The following PALLD variants were observed in gnomAD, a reference collection of about 807,000 sequenced individuals.
The protein encoded by PALLD is palladin.
A neutral mutation model predicts 123.5 loss-of-function variants in PALLD; 61 were observed. That is an observed-to-expected ratio of 0.49 (90% CI 0.40 to 0.61). The LOEUF (loss-of-function observed/expected upper bound fraction) is 0.61. Ranked by LOEUF, PALLD falls within the 20% of genes least tolerant of loss-of-function variation. The pLI, the probability that PALLD is intolerant of heterozygous loss-of-function variation, is 0.00. For missense variants in PALLD, 1,273 were observed against 1,377.0 expected, an observed-to-expected ratio of 0.92 and a Z score of 1.20; for synonymous variants, 465 against 496.4, an observed-to-expected ratio of 0.94 and a Z score of 0.84.
At chr4:168,591,852 A>G (rs918108484) in intron 2 of PALLD, among the ~76,000 whole-genome samples, 1 of 152,122 alleles carries the variant, frequency 6.6e-6, no homozygotes, top group Non-Finnish European at 1.5e-5. Context: ...GAAATGTTCA[A>G]TGTTATCTGT....
At chr4:168,737,490 G>A (rs927357993) in intron 10 of PALLD, among the ~76,000 whole-genome samples, 1 of 152,018 alleles carries the variant, frequency 6.6e-6, no homozygotes, top group South Asian at 2.1e-4. Flanking sequence ...TCACTTACTG[G>A]GTGACACAAA....
intron 10 of PALLD, among the ~76,000 whole-genome samples, chr4:168,850,084 T>C (rs2150972806): frequency 6.6e-6 from 1 of 152,258 alleles, no homozygotes; most frequent in South Asian, 2.1e-4. Flanking sequence ...TACTAAAAAA[T>C]GAAAGATCTG....
At chr4:168,675,339 G>A (rs1320704658) in intron 3 of PALLD, among the ~76,000 whole-genome samples, 3 of 152,212 alleles carry the variant, frequency 2.0e-5, no homozygotes, top group South Asian at 4.1e-4. Context: ...CAGGTTCTCA[G>A]TGCTACGAAT....
At chr4:168,690,858 C>A in intron 7 of PALLD, 114 bp downstream of exon 7, 1 of 1,099,494 alleles carries the variant, frequency 9.1e-7, no homozygotes, top group Non-Finnish European at 1.4e-6. Context: ...CAAAGAGTGG[C>A]AGGATCAGAT....
intron 14 of PALLD, among the ~76,000 whole-genome samples, chr4:168,900,741 A>T (rs1340709011): frequency 6.6e-6 from 1 of 152,222 alleles, no homozygotes; most frequent in African/African-American, 2.4e-5. Flanking sequence ...CTCCATTGTT[A>T]TAGAAAACTT....
intron 2 of PALLD, among the ~76,000 whole-genome samples, chr4:168,657,801 G>A (rs1675044695): frequency 6.6e-6 from 1 of 152,132 alleles, no homozygotes; most frequent in Non-Finnish European, 1.5e-5. Flanking sequence ...TAGCCAAGTG[G>A]AAAGCCCATT....
intron 10 of PALLD, among the ~76,000 whole-genome samples, chr4:168,835,818 C>T (rs1397904082): frequency 6.6e-6 from 1 of 152,104 alleles, no homozygotes; most frequent in African/African-American, 2.4e-5. Context: ...CGTGCCTCAG[C>T]CTCCTGAGTA....
intron 2 of PALLD, among the ~76,000 whole-genome samples, chr4:168,615,782 T>A (rs6836443): frequency 2.6e-5 from 4 of 151,968 alleles, no homozygotes; most frequent in Non-Finnish European, 4.4e-5. Context: ...CCATTCCGAA[T>A]CCCACCAGTG....
chr4:168,919,982 T>C (rs921059493), intron 17 of PALLD, among the ~76,000 whole-genome samples: 1 of 152,182 alleles, frequency 6.6e-6, no homozygotes, highest in Non-Finnish European at 1.5e-5. Context: ...AGAGTACGCG[T>C]GCTTTGGGCA....
chr4:168,549,411 C>T (rs76678200), intron 2 of PALLD, among the ~76,000 whole-genome samples: 6,691 of 151,988 alleles, frequency 0.044, 174 homozygotes, highest in South Asian at 0.15. Context: ...CCTCAAGACA[C>T]GGTCTTAACA....
chr4:168,683,099 A>C lies in PALLD; in HGVS notation c.1256A>C (p.Gln419Pro), dbSNP rs761386762. Reference protein sequence around the residue: ...AVIQPLSVPVQQVHSPTSYLC... With the variant: ...AVIQPLSVPVPQVHSPTSYLC... ...ATTCAACCACTGTCTGTCCCTGTGC[A>C]ACAGGTAAGTATGCTTTGAGCCAGA... is the stretch of plus-strand genomic sequence containing the variant. Residue 419 changes from glutamine to proline, a missense_variant, in exon 5 of 22, where the codon CAA (glutamine) becomes CCA (proline). Coordinates refer to ENST00000505667, the MANE Select transcript of PALLD (RefSeq NM_001166108.2). 30 of 1,585,148 alleles carry C rather than the reference A, an allele frequency of 1.9e-5. No homozygotes were observed. The South Asian group carries it at 3.2e-4, about 17-fold the overall frequency.
At chr4:168,530,417 T>A (rs1764493769) in intron 2 of PALLD, 1 of 152,188 alleles carries the variant, frequency 6.6e-6, no homozygotes, top group African/African-American at 2.4e-5. Flanking sequence ...TATCCATCCC[T>A]TCAATAAACC....
chr4:168,539,206 CT>C (rs1765371504), intron 2 of PALLD, among the ~76,000 whole-genome samples: 1 of 152,166 alleles, frequency 6.6e-6, no homozygotes, highest in African/African-American at 2.4e-5. Flanking sequence ...AATTAAGTAA[CT>C]TTTCCATAAT....
chr4:168,786,275 C>T (rs1456144023), intron 10 of PALLD, among the ~76,000 whole-genome samples: 2 of 152,176 alleles, frequency 1.3e-5, no homozygotes, highest in East Asian at 3.9e-4. Flanking sequence ...TTGCAGTGAG[C>T]CGAGATCGCA....
chr4:168,664,352 A>C (rs1779418181), intron 2 of PALLD, among the ~76,000 whole-genome samples: 1 of 152,252 alleles, frequency 6.6e-6, no homozygotes, highest in Admixed American at 6.5e-5. Context: ...CTGGCAGAAA[A>C]GTTAAGACAA....
chr4:168,511,334 A>G, intron 1 of PALLD, 89 bp from the exon 2 acceptor site: 2 of 608,522 alleles, frequency 3.3e-6, no homozygotes, highest in East Asian at 2.8e-5. Context: ...ATTCACTTTA[A>G]TGTTTCTCCC....
At position 168,886,514 on chromosome 4, in the gene PALLD, A is replaced by G. The variant is rs539607685; in HGVS notation, c.1965-4408A>G. Among the ~76,000 whole-genome samples the G allele has an allele frequency of 1.3e-5, 2 of 152,192 alleles. 1 individual carries two copies. Among genetic ancestry groups the G allele is most frequent in the East Asian group, 3.9e-4 (2 of 5,166 alleles). On this transcript the variant is annotated intron_variant, in intron 10 of 21. Transcript: ENST00000505667. ...AATTTAGCCAGGCACAGTGGTATGC[A>G]CTTATGGTCCCTGCTACTTGGAGGA...
At chr4:168,621,922 G>A (rs747354019) in intron 2 of PALLD, among the ~76,000 whole-genome samples, 4 of 152,126 alleles carry the variant, frequency 2.6e-5, no homozygotes, top group Non-Finnish European at 4.4e-5. Flanking sequence ...TCAGGTCTGC[G>A]AACACATGCT....
chr4:168,546,972 A>T (rs949963701), intron 2 of PALLD, among the ~76,000 whole-genome samples: 1 of 152,160 alleles, frequency 6.6e-6, no homozygotes, highest in Non-Finnish European at 1.5e-5. Context: ...TAATTTTTTT[A>T]AAGTAATCTG....
Sources: gnomAD v4.1 joint callset for allele counts (sites outside exome capture counted in the v4.1 genomes callset) on GRCh38, gnomAD v4.1.1 for gene constraint, MANE v1.5 for transcripts, NCBI Gene and HGNC (gene_info 2026-07-23, HGNC 2026-07-21) for gene names.